The following GPM6A variants were observed in gnomAD, a reference collection of about 807,000 sequenced individuals.
GPM6A encodes the protein glycoprotein M6A, also known as neuronal membrane glycoprotein M6-a.
GPM6A carries 7 observed loss-of-function variants against 32.1 expected under a neutral mutation model. The observed-to-expected ratio is 0.22, with a 90% CI of 0.12 to 0.41. GPM6A has a LOEUF of 0.41. Ranked by LOEUF, GPM6A falls within the 10% of genes least tolerant of loss-of-function variation. The pLI, the probability that GPM6A is intolerant of heterozygous loss-of-function variation, is 1.00. For missense variants in GPM6A, 235 were observed against 347.2 expected (o/e 0.68, Z 2.57); for synonymous variants, 130 against 123.4 (o/e 1.05, Z -0.35).
intron 1 of GPM6A, among the ~76,000 whole-genome samples, chr4:175,956,222 G>C (rs1472203565): frequency 6.6e-6 from 1 of 152,134 alleles, no homozygotes; most frequent in Non-Finnish European, 1.5e-5. Flanking sequence ...ATACCAGAAA[G>C]ACACATGTTC....
chr4:175,756,113 G>A (rs987019074), intron 1 of GPM6A, among the ~76,000 whole-genome samples: 12 of 152,134 alleles, frequency 7.9e-5, no homozygotes, highest in African/African-American at 2.9e-4. Context: ...AGGTGATTAA[G>A]ATCTAGCATG....
intron 1 of GPM6A, among the ~76,000 whole-genome samples, chr4:176,001,978 C>A (rs1198997124): frequency 6.6e-6 from 1 of 152,140 alleles, no homozygotes; most frequent in African/African-American, 2.4e-5. Flanking sequence ...TCCCAAATAC[C>A]GCCCCCAGCA....
At chr4:175,821,338 T>C (rs960932398) in intron 1 of GPM6A, among the ~76,000 whole-genome samples, 3 of 152,176 alleles carry the variant, frequency 2.0e-5, no homozygotes, top group Non-Finnish European at 4.4e-5. Flanking sequence ...TTGTTTGCTT[T>C]TTGGTATTAT....
intron 1 of GPM6A, among the ~76,000 whole-genome samples, chr4:175,771,705 G>A (rs918100165): frequency 6.6e-6 from 1 of 152,068 alleles, no homozygotes; most frequent in Non-Finnish European, 1.5e-5. Context: ...CAACTAGCCA[G>A]ATAGATGGCT....
intron 1 of GPM6A, among the ~76,000 whole-genome samples, chr4:175,985,003 TTAA>T (rs1740931555): frequency 6.6e-6 from 1 of 152,196 alleles, no homozygotes; most frequent in African/African-American, 2.4e-5. Flanking sequence ...TTACTGTAGT[TTAA>T]GAATAAGTCT....
chr4:175,748,514 T>A (rs1732194512), intron 1 of GPM6A, among the ~76,000 whole-genome samples: 1 of 152,164 alleles, frequency 6.6e-6, no homozygotes, highest in Non-Finnish European at 1.5e-5. Flanking sequence ...TTAAAATACA[T>A]CATTTTTTTC....
At chr4:175,729,909 AATAT>A (rs201172135) in intron 1 of GPM6A, among the ~76,000 whole-genome samples, 1 of 146,752 alleles carries the variant, frequency 6.8e-6, no homozygotes. Flanking sequence ...GTATTCAAAT[AATAT>A]ATATATTATT....
At chr4:175,645,444 G>T (rs542868713) in intron 4 of GPM6A, among the ~76,000 whole-genome samples, 15 of 152,078 alleles carry the variant, frequency 9.9e-5, no homozygotes, top group Non-Finnish European at 1.9e-4. Context: ...TTGTAGGCCG[G>T]GTGGGGTGGC....
At chr4:175,783,856 T>C (rs1031967969) in intron 1 of GPM6A, among the ~76,000 whole-genome samples, 1 of 152,036 alleles carries the variant, frequency 6.6e-6, no homozygotes, top group Non-Finnish European at 1.5e-5. Flanking sequence ...TCTATTTGCA[T>C]AGCCTCAGAG....
chr4:175,940,121 C>T (rs976441334), intron 1 of GPM6A, among the ~76,000 whole-genome samples: 4 of 151,990 alleles, frequency 2.6e-5, no homozygotes, highest in African/African-American at 7.3e-5. Context: ...GGTAGACTAG[C>T]AATAATAAAA....
chr4:175,939,117 C>T (rs925474463), intron 1 of GPM6A, among the ~76,000 whole-genome samples: 9 of 152,066 alleles, frequency 5.9e-5, no homozygotes, highest in Admixed American at 2.0e-4. Context: ...TTTATAATTG[C>T]CAATTAAGGG....
At chr4:175,811,198 G>GT (rs1346083638) in intron 1 of GPM6A, among the ~76,000 whole-genome samples, 2 of 151,986 alleles carry the variant, frequency 1.3e-5, no homozygotes, top group African/African-American at 2.4e-5. Flanking sequence ...ATAAAATACA[G>GT]TTTTTTACGA....
chr4:175,903,297 A>G (rs558960701), intron 1 of GPM6A, among the ~76,000 whole-genome samples: 2 of 152,110 alleles, frequency 1.3e-5, no homozygotes, highest in East Asian at 3.9e-4. Flanking sequence ...AAAAAAAAGA[A>G]TCAATGAGTA....
intron 1 of GPM6A, among the ~76,000 whole-genome samples, chr4:175,835,988 C>G (rs1302153923): frequency 6.6e-6 from 1 of 151,972 alleles, no homozygotes; most frequent in Non-Finnish European, 1.5e-5. Context: ...CACTGACATT[C>G]CATTGGCTAG....
At position 175,748,915 on chromosome 4, in the gene GPM6A, T is replaced by C. The variant is rs113452783; in HGVS notation, c.38-47148A>G. Among the ~76,000 whole-genome samples, 304 of 152,324 alleles carry C rather than the reference T, an allele frequency of 2.0e-3. 3 individuals are homozygous for C. Among genetic ancestry groups the C allele is most frequent in the African/African-American group, 6.6e-3 (276 of 41,566 alleles). ...CCCACTGCAGCTTCTACATTAGTACTTGTTGCTTCACCTTACAATTTTTAT... is the reference window on the plus strand; with the variant it reads ...CCCACTGCAGCTTCTACATTAGTACCTGTTGCTTCACCTTACAATTTTTAT... On this transcript the variant is annotated intron_variant, in intron 1 of 6. Coordinates refer to ENST00000393658, the MANE Select transcript of GPM6A (RefSeq NM_201591.3).
At position 175,833,409 on chromosome 4, in the gene GPM6A, T is replaced by C. The variant is rs1579551461; in HGVS notation, c.-22-21160A>G. On this transcript the variant is annotated intron_variant, in intron 1 of 7. Transcript: ENST00000280187. ...ATGCAGAGACGCAGCTGAATGCTAG[T>C]CCGTTTGTTTTGTTATGTTTTGTTT... is the stretch of plus-strand genomic sequence containing the variant. 2.6e-5 allele frequency among the ~76,000 whole-genome samples: 4 copies of C among 152,158 alleles called. No homozygotes were observed. In the South Asian group the frequency reaches 8.3e-4, roughly 32 times the overall value.
At chr4:175,763,355 C>T (rs1183366196) in intron 1 of GPM6A, among the ~76,000 whole-genome samples, 3 of 152,108 alleles carry the variant, frequency 2.0e-5, no homozygotes, top group African/African-American at 4.8e-5. Context: ...TCTGGATGAA[C>T]ATCAATGAAC....
In GPM6A at chr4:175,962,177, C is replaced by T. The variant is rs73873518; in HGVS notation, c.-23+40132G>A. The T allele has an allele frequency of 0.017, 17,950 of 1,062,528 alleles. 1,813 individuals are homozygous for T. The African/African-American group carries it at 0.23, about 14-fold the overall frequency. 65.8% of individuals were successfully genotyped at this position (1,062,528 alleles called of 1,614,324 possible). A position where few individuals can be genotyped will look rare whatever the true frequency, so the allele number is the denominator to read the frequency against. On this transcript the variant is annotated intron_variant, in intron 1 of 7. Transcript: ENST00000280187. ...AGCATCAACCCAAGGTGATCGAGCACCTGCTTTCTTTGCCCCTGGAGTATT... is the reference window on the plus strand; with the variant it reads ...AGCATCAACCCAAGGTGATCGAGCATCTGCTTTCTTTGCCCCTGGAGTATT...
At chr4:175,932,800 A>C (rs1408182200) in intron 1 of GPM6A, among the ~76,000 whole-genome samples, 1 of 152,166 alleles carries the variant, frequency 6.6e-6, no homozygotes, top group Non-Finnish European at 1.5e-5. Flanking sequence ...ATTCTGGAGC[A>C]ACTACTAAAA....
Sources: allele counts gnomAD v4.1 joint callset (sites outside exome capture counted in the v4.1 genomes callset), GRCh38; gene constraint gnomAD v4.1.1; transcripts MANE v1.5; gene names NCBI Gene and HGNC (gene_info 2026-07-23, HGNC 2026-07-21).